Variants in CSMD1 observed in about 807,000 individuals in gnomAD.
The protein encoded by CSMD1 is CUB and Sushi multiple domains 1, also known as CUB and sushi domain-containing protein 1.
Under a neutral mutation model 417.5 loss-of-function variants are expected in CSMD1, and 213 were observed. That is an observed-to-expected ratio of 0.51 (90% CI 0.46 to 0.57). The LOEUF is 0.57. Ranked by LOEUF, CSMD1 falls within the 20% of genes least tolerant of loss-of-function variation. The pLI is 0.00. For synonymous variants in CSMD1, 2,862 were observed against 1,736.8 expected (o/e 1.65, Z -16.11); for missense variants, 6,923 against 4,529.7 (o/e 1.53, Z -15.17).
intron 3 of CSMD1, among the ~76,000 whole-genome samples, chr8:4,045,944 G>C (rs577395524): frequency 6.6e-6 from 1 of 151,806 alleles, no homozygotes; most frequent in African/African-American, 2.4e-5. Flanking sequence ...ATACATCTAA[G>C]TCATTCAAAT....
At chr8:3,518,973 C>G (rs971711438) in intron 10 of CSMD1, among the ~76,000 whole-genome samples, 2 of 152,176 alleles carry the variant, frequency 1.3e-5, no homozygotes, top group Non-Finnish European at 2.9e-5. Flanking sequence ...TTATGTAGCA[C>G]TTTTAAACTG....
chr8:3,828,114 C>G (rs532242190), intron 5 of CSMD1, among the ~76,000 whole-genome samples: 5 of 152,258 alleles, frequency 3.3e-5, no homozygotes, highest in South Asian at 2.1e-4. Context: ...GTTAATAGCC[C>G]ATATGGCAGA....
intron 57 of CSMD1, among the ~76,000 whole-genome samples, chr8:2,969,564 A>G (rs1186946596): frequency 6.6e-6 from 1 of 152,202 alleles, no homozygotes; most frequent in African/African-American, 2.4e-5. Flanking sequence ...TCAATTTACC[A>G]TCAGTATCTA....
chr8:3,558,406 T>A (rs1479798766), intron 10 of CSMD1, among the ~76,000 whole-genome samples: 1 of 148,876 alleles, frequency 6.7e-6, no homozygotes, highest in African/African-American at 2.5e-5. Flanking sequence ...TCTCCAATGA[T>A]GAACGGTGCC....
rs367557215 is a variant in CSMD1 at position 3,672,169 on chromosome 8, T to C, written c.1009+36245A>G. 2.6e-5 allele frequency among the ~76,000 whole-genome samples: 4 copies of C among 152,326 alleles called. No homozygotes were observed. In the East Asian group the frequency reaches 5.8e-4, roughly 22 times the overall value. On this transcript the variant is annotated intron_variant, in intron 7 of 69. Transcript: ENST00000635120. ...TGTTTTCTAGTGTGAAATCTCTTTA[T>C]GGTCAGGGATCTTATAAGTTTGATG...
intron 3 of CSMD1, among the ~76,000 whole-genome samples, chr8:4,312,150 C>A (rs1474829831): frequency 2.6e-5 from 4 of 151,890 alleles, no homozygotes; most frequent in Admixed American, 2.0e-4. Flanking sequence ...TATCTTTACA[C>A]ACGCTTCCTA....
At chr8:3,878,399 C>T (rs1336048958) in intron 5 of CSMD1, among the ~76,000 whole-genome samples, 1 of 152,122 alleles carries the variant, frequency 6.6e-6, no homozygotes, top group Non-Finnish European at 1.5e-5. Flanking sequence ...CTCTAAGAGT[C>T]TCCCACATTA....
At chr8:4,223,363 G>A (rs527275039) in intron 3 of CSMD1, among the ~76,000 whole-genome samples, 2 of 152,384 alleles carry the variant, frequency 1.3e-5, no homozygotes, top group South Asian at 2.1e-4. Context: ...CCTACCTGTA[G>A]TCCATCCATC....
chr8:2,986,573 C>G (rs1232433985), intron 54 of CSMD1, among the ~76,000 whole-genome samples: 1 of 152,116 alleles, frequency 6.6e-6, no homozygotes, highest in Non-Finnish European at 1.5e-5. Context: ...GGCGCGATCT[C>G]AGCTCACTGC....
In CSMD1 at chr8:3,187,894, G is replaced by T. The variant is rs375162132; in HGVS notation, c.5595C>A (p.Thr1865=). ...CTGAGAAGCTTCCCAGTCTGGGTGC[G>T]GTCACATCCCCACCATCGTGGATCT... ...SLEIHDGGDV[T]APRLGSFSGT... The change falls in exon 36 of 70, where the codon ACC becomes ACA. Residue 1865 remains threonine (T), a synonymous_variant. Transcript: ENST00000635120. The T allele has an allele frequency of 6.2e-6, 10 of 1,612,454 alleles. No individual in the cohort carries two copies. The highest frequency in any genetic ancestry group is 7.6e-6 in the Non-Finnish European group (9 of 1,179,308).
intron 5 of CSMD1, among the ~76,000 whole-genome samples, chr8:3,820,739 C>A (rs1222457405): frequency 1.3e-5 from 2 of 152,052 alleles, no homozygotes; most frequent in Non-Finnish European, 2.9e-5. Flanking sequence ...CCGTGCCTGG[C>A]AAATTGTTGT....
At chr8:4,470,455 G>T (rs1800461422) in intron 2 of CSMD1, among the ~76,000 whole-genome samples, 1 of 152,186 alleles carries the variant, frequency 6.6e-6, no homozygotes, top group South Asian at 2.1e-4. Flanking sequence ...GACAGGTTGG[G>T]GTCATGGTCG....
chr8:3,309,922 C>T lies in CSMD1; in HGVS notation c.3632-1419G>A, dbSNP rs75007892. Among the ~76,000 whole-genome samples, 274 of 152,212 alleles carry T rather than the reference C, an allele frequency of 1.8e-3. 2 individuals carry two copies. Among genetic ancestry groups the T allele is most frequent in the African/African-American group, 6.0e-3 (251 of 41,528 alleles). The stretch of plus-strand genomic sequence containing the variant: ...TGCACTCAGTGACTAAGAAAATTTC[C>T]TTCCATAAAGTTTCCTTCCACAAAG... On this transcript the variant is annotated intron_variant, in intron 23 of 69. Coordinates refer to ENST00000635120, the MANE Select transcript of CSMD1 (RefSeq NM_033225.6).
chr8:4,408,904 C>T (rs184060777), intron 3 of CSMD1, among the ~76,000 whole-genome samples: 2 of 152,134 alleles, frequency 1.3e-5, no homozygotes, highest in African/African-American at 2.4e-5. Context: ...AAACCATCAA[C>T]TTTAGGTAGC....
At chr8:4,427,805 C>A (rs143391165) in intron 2 of CSMD1, among the ~76,000 whole-genome samples, 4 of 152,114 alleles carry the variant, frequency 2.6e-5, no homozygotes, top group African/African-American at 9.7e-5. Context: ...ATAACCCATA[C>A]AAATATATGC....
chr8:3,998,780 C>T (rs1385648908), intron 4 of CSMD1, among the ~76,000 whole-genome samples: 1 of 151,586 alleles, frequency 6.6e-6, no homozygotes, highest in African/African-American at 2.4e-5. Flanking sequence ...GGAAACAGAT[C>T]TTGGTAAGTT....
chr8:3,017,509 C>A (rs575155792), intron 52 of CSMD1, among the ~76,000 whole-genome samples: 2 of 152,204 alleles, frequency 1.3e-5, no homozygotes, highest in South Asian at 4.1e-4. Flanking sequence ...TTACATAATA[C>A]ACTAGACAGA....
At chr8:4,050,548 T>A (rs1329481515) in intron 3 of CSMD1, among the ~76,000 whole-genome samples, 2 of 152,160 alleles carry the variant, frequency 1.3e-5, no homozygotes, top group African/African-American at 4.8e-5. Flanking sequence ...CATTTATTCT[T>A]CATGTTACAA....
At chr8:3,743,068 G>T (rs1032497483) in intron 6 of CSMD1, among the ~76,000 whole-genome samples, 2 of 152,278 alleles carry the variant, frequency 1.3e-5, no homozygotes, top group East Asian at 3.9e-4. Context: ...TATGGCAGCT[G>T]TGCTTAGCTC....
Sources: allele counts gnomAD v4.1 joint callset (sites outside exome capture counted in the v4.1 genomes callset), GRCh38; gene constraint gnomAD v4.1.1; transcripts MANE v1.5; gene names NCBI Gene and HGNC (gene_info 2026-07-23, HGNC 2026-07-21).